Variants in NYAP2 observed in about 807,000 individuals in gnomAD.
The protein encoded by NYAP2 is neuronal tyrosine-phosphorylated phosphoinositide-3-kinase adaptor 2, also known as neuronal tyrosine-phosphorylated phosphoinositide-3-kinase adapter 2.
Under a neutral mutation model 50.4 loss-of-function variants are expected in NYAP2, and 23 were observed. That is an observed-to-expected ratio of 0.46 (90% CI 0.33 to 0.65). NYAP2 has a LOEUF of 0.65. Ranked by LOEUF, NYAP2 falls within the 30% of genes least tolerant of loss-of-function variation. NYAP2 has a pLI of 0.02. For synonymous variants in NYAP2, 394 were observed against 365.2 expected (o/e 1.08, Z -0.90); for missense variants, 885 against 861.0 (o/e 1.03, Z -0.35).
At chr2:225,475,600 G>C (rs1690089481) in intron 3 of NYAP2, among the ~76,000 whole-genome samples, 1 of 152,186 alleles carries the variant, frequency 6.6e-6, no homozygotes, top group South Asian at 2.1e-4. Flanking sequence ...AAATTGTTTA[G>C]TTAGGCATTC....
At chr2:225,398,738 C>T (rs992378743), upstream of NYAP2, among the ~76,000 whole-genome samples, 1 of 151,996 alleles carries the variant, frequency 6.6e-6, no homozygotes, top group African/African-American at 2.4e-5. Flanking sequence ...TTTCATCTAT[C>T]TAATCTTGCA....
rs554640801 is a variant in NYAP2 at position 225,644,744 on chromosome 2, A to G, written c.1829-6688A>G. Among the ~76,000 whole-genome samples the G allele has an allele frequency of 4.7e-5, 7 of 147,862 alleles. No individual in the cohort carries two copies. The East Asian group carries it at 9.8e-4, about 21-fold the overall frequency. ...TTTTCTCAGGTTTGTCAAAGATCAG[A>G]TAGTTGTAGATATGCGGCGTTATTT... On this transcript the variant is annotated intron_variant, in intron 6 of 6. Coordinates refer to ENST00000636099, the Ensembl canonical transcript of NYAP2.
At chr2:225,556,784 G>T (rs993734520) in intron 4 of NYAP2, among the ~76,000 whole-genome samples, 3 of 152,246 alleles carry the variant, frequency 2.0e-5, no homozygotes, top group Admixed American at 6.5e-5. Context: ...TATATTTCAT[G>T]ATCAAGCTTT....
chr2:225,456,814 T>C (rs1208819846), intron 3 of NYAP2, among the ~76,000 whole-genome samples: 1 of 152,154 alleles, frequency 6.6e-6, no homozygotes, highest in Non-Finnish European at 1.5e-5. Flanking sequence ...AGCTTCCCTA[T>C]CTGAGTGCAC....
At chr2:225,539,377 G>C (rs1466859938) in intron 4 of NYAP2, among the ~76,000 whole-genome samples, 2 of 152,036 alleles carry the variant, frequency 1.3e-5, no homozygotes, top group Non-Finnish European at 2.9e-5. Context: ...GGGATTGCTG[G>C]GTCAAATGGT....
intron 3 of NYAP2, among the ~76,000 whole-genome samples, chr2:225,485,216 G>A (rs1276602127): frequency 6.6e-6 from 1 of 152,142 alleles, no homozygotes; most frequent in Non-Finnish European, 1.5e-5. Context: ...CCCTGCACAA[G>A]CTCTTTTGCC....
At chr2:225,683,566 G>T in the NYAP2 span, among the ~76,000 whole-genome samples, 4 of 152,086 alleles carry the variant, frequency 2.6e-5, no homozygotes, top group African/African-American at 9.7e-5. Context: ...TACATTTTGA[G>T]ACTTTTAGTT....
At chr2:225,658,254 C>CA (rs138626415), downstream of NYAP2, among the ~76,000 whole-genome samples, 789 of 152,268 alleles carry the variant, frequency 5.2e-3, 13 homozygotes, top group Admixed American at 0.04. Flanking sequence ...CTTCCTTCTG[C>CA]ATACATGTCA....
At chr2:225,672,157 C>T in the NYAP2 span, among the ~76,000 whole-genome samples, 1 of 152,146 alleles carries the variant, frequency 6.6e-6, no homozygotes, top group Non-Finnish European at 1.5e-5. Flanking sequence ...ATTGACTTCT[C>T]TCTAGCTAGG....
chr2:225,407,160 G>A (rs1487074664), intron 2 of NYAP2, among the ~76,000 whole-genome samples: 1 of 151,964 alleles, frequency 6.6e-6, no homozygotes, highest in African/African-American at 2.4e-5. Flanking sequence ...GTGAATTCCT[G>A]ACAATGGCAA....
At chr2:225,529,468 G>C (rs1163679111) in intron 4 of NYAP2, among the ~76,000 whole-genome samples, 1 of 151,890 alleles carries the variant, frequency 6.6e-6, no homozygotes, top group Non-Finnish European at 1.5e-5. Flanking sequence ...TGGCATTACA[G>C]ACATGAGCCA....
chr2:225,512,881 C>A (rs62188686), intron 3 of NYAP2, among the ~76,000 whole-genome samples: 40,682 of 136,346 alleles, frequency 0.3, 6,451 homozygotes, highest in South Asian at 0.47. Context: ...TCCTTCCTTC[C>A]TTCCTTCCTT....
At chr2:225,459,360 T>G in intron 3 of NYAP2, among the ~76,000 whole-genome samples, 1 of 152,182 alleles carries the variant, frequency 6.6e-6, no homozygotes. Flanking sequence ...CCCCAGTGAC[T>G]AACATAGTAC....
chr2:225,636,033 T>C (rs1455487339), intron 6 of NYAP2, among the ~76,000 whole-genome samples: 1 of 152,236 alleles, frequency 6.6e-6, no homozygotes, highest in Non-Finnish European at 1.5e-5. Context: ...CAACGTATAC[T>C]TTGTGTTGTG....
intron 5 of NYAP2, among the ~76,000 whole-genome samples, chr2:225,609,943 C>T (rs988899634): frequency 6.6e-6 from 1 of 152,100 alleles, no homozygotes; most frequent in Non-Finnish European, 1.5e-5. Flanking sequence ...CACACCTCAG[C>T]TTTATTGTTC....
At chr2:225,688,702 C>T in the NYAP2 span, among the ~76,000 whole-genome samples, 1 of 152,134 alleles carries the variant, frequency 6.6e-6, no homozygotes, top group Non-Finnish European at 1.5e-5. Context: ...CCATTTTATT[C>T]ATCTTATACT....
chr2:225,575,542 G>T (rs1425757469), intron 4 of NYAP2, among the ~76,000 whole-genome samples: 1 of 152,210 alleles, frequency 6.6e-6, no homozygotes, highest in Admixed American at 6.5e-5. Flanking sequence ...TACTGAAGTT[G>T]TATGGCTAGG....
Position 225,582,919 on chromosome 2 carries a change from G to A in NYAP2, c.1502G>A (p.Gly501Asp), listed in dbSNP as rs1692322392. 1.7e-5 allele frequency: 27 copies of A among 1,612,910 alleles called. No homozygotes were observed. The highest frequency in any genetic ancestry group is 2.3e-5 in the Non-Finnish European group (27 of 1,179,854). The change falls in exon 5 of 7, where the codon GGC becomes GAC. Residue 501 changes from glycine to aspartate, a missense_variant. Transcript: ENST00000636099. The surrounding 1 kb of genome is among the most constrained non-coding windows in gnomAD (Gnocchi z 7.0). The stretch of plus-strand genomic sequence containing the variant: ...AACACCTACGGGGCAGCCCCGGGTG[G>A]CTCCCGGTCCCGGACACCCACGAGC...
At chr2:225,688,586 A>G in the NYAP2 span, among the ~76,000 whole-genome samples, 1 of 152,172 alleles carries the variant, frequency 6.6e-6, no homozygotes, top group African/African-American at 2.4e-5. Flanking sequence ...TAATCTTCTC[A>G]AGAAACCTAT....
Sources: gnomAD v4.1 joint callset for allele counts (sites outside exome capture counted in the v4.1 genomes callset) on GRCh38, gnomAD v4.1.1 for gene constraint, Gnocchi (gnomAD v3.1) non-coding constraint, MANE v1.5 for transcripts, NCBI Gene and HGNC (gene_info 2026-07-23, HGNC 2026-07-21) for gene names.